Variants in NOL10 observed in about 807,000 individuals in gnomAD.
NOL10 encodes the protein nucleolar protein 10, also known as H_NH0074G24.1.
NOL10 carries 58 observed loss-of-function variants against 103.5 expected under a neutral mutation model. The ratio of observed to expected loss-of-function variants is 0.56; its 90% confidence interval spans 0.45 to 0.70. NOL10 has a LOEUF of 0.70. Among genes scored for constraint, NOL10 ranks in the 30% least tolerant of loss-of-function variants. NOL10 has a pLI of 0.00. For synonymous variants in NOL10, 287 were observed against 282.5 expected (o/e 1.02, Z -0.16); for missense variants, 763 against 807.3 (o/e 0.95, Z 0.67).
intron 17 of NOL10, among the ~76,000 whole-genome samples, chr2:10,594,919 C>A (rs962780887): frequency 6.6e-6 from 1 of 152,068 alleles, no homozygotes; most frequent in Non-Finnish European, 1.5e-5. Flanking sequence ...ATCACTTAAG[C>A]CCGAGAGACT....
intron 14 of NOL10, among the ~76,000 whole-genome samples, chr2:10,606,308 G>C (rs186281302): frequency 1.3e-5 from 2 of 151,758 alleles, no homozygotes; most frequent in African/African-American, 4.8e-5. Flanking sequence ...GATTAAATGA[G>C]TTACATGTAG....
At chr2:10,619,436 G>C (rs1427545915) in intron 13 of NOL10, among the ~76,000 whole-genome samples, 1 of 152,106 alleles carries the variant, frequency 6.6e-6, no homozygotes, top group African/African-American at 2.4e-5. Flanking sequence ...GTACAGTTGT[G>C]GCCACCGTAC....
intron 13 of NOL10, among the ~76,000 whole-genome samples, chr2:10,624,526 T>C (rs2148227865): frequency 6.6e-6 from 1 of 152,026 alleles, no homozygotes; most frequent in East Asian, 1.9e-4. Context: ...AAAAAAATAA[T>C]AACCTAAGCA....
chr2:10,587,511 TG>T (rs1255517478), intron 19 of NOL10, among the ~76,000 whole-genome samples: 2 of 127,120 alleles, frequency 1.6e-5, no homozygotes, highest in South Asian at 2.5e-4. Context: ...CCTCATGATC[TG>T]CCCCCCCCTT....
At chr2:10,687,843 C>T (rs1024661791) in intron 1 of NOL10, among the ~76,000 whole-genome samples, 1 of 152,182 alleles carries the variant, frequency 6.6e-6, no homozygotes, top group Admixed American at 6.5e-5. Flanking sequence ...GTCCCAGCTA[C>T]TGGGGAGGCT....
chr2:10,642,093 G>A (rs1261030372), intron 13 of NOL10, among the ~76,000 whole-genome samples: 2 of 152,188 alleles, frequency 1.3e-5, no homozygotes, highest in Non-Finnish European at 2.9e-5. Flanking sequence ...AAGGTTAGGG[G>A]CAAGCTGATT....
At chr2:10,594,791 G>A (rs1389445989) in intron 17 of NOL10, among the ~76,000 whole-genome samples, 1 of 152,050 alleles carries the variant, frequency 6.6e-6, no homozygotes, top group African/African-American at 2.4e-5. Context: ...AGGAGTTGGA[G>A]ACCAGCCCGG....
intron 17 of NOL10, among the ~76,000 whole-genome samples, chr2:10,593,243 A>G (rs1418718156): frequency 6.6e-6 from 1 of 151,156 alleles, no homozygotes; most frequent in Non-Finnish European, 1.5e-5. Context: ...GGTTCAAGCG[A>G]TTCTCCTGCC....
chr2:10,643,486 A>G (rs1678856189), intron 13 of NOL10, among the ~76,000 whole-genome samples: 1 of 151,826 alleles, frequency 6.6e-6, no homozygotes, highest in Admixed American at 6.6e-5. Context: ...ATGAAATCGT[A>G]TTTCCTTGCT....
chr2:10,674,709 C>T (rs906941355), intron 4 of NOL10, among the ~76,000 whole-genome samples: 2 of 152,020 alleles, frequency 1.3e-5, no homozygotes, highest in Admixed American at 6.6e-5. Context: ...TGGTAAAGTG[C>T]GCCTGTAATC....
At chr2:10,669,461 AT>A (rs1231625046) in intron 6 of NOL10, among the ~76,000 whole-genome samples, 39 of 121,812 alleles carry the variant, frequency 3.2e-4, no homozygotes, top group African/African-American at 3.9e-4. Context: ...ATATATTTTT[AT>A]TTTTTATATA....
intron 8 of NOL10, among the ~76,000 whole-genome samples, chr2:10,663,732 G>A (rs982001289): frequency 2.6e-5 from 4 of 151,886 alleles, no homozygotes; most frequent in African/African-American, 9.7e-5. Context: ...GGGAGATCAC[G>A]AGGTCAGGAG....
chr2:10,581,576 C>A (rs575728679), intron 19 of NOL10, among the ~76,000 whole-genome samples: 2 of 152,292 alleles, frequency 1.3e-5, no homozygotes, highest in East Asian at 3.9e-4. Flanking sequence ...CCTGCAATTC[C>A]AGCATTTTGG....
In NOL10 at chr2:10,587,240, C is replaced by CATATAT. The variant is rs1349120973; in HGVS notation, c.1844+1802_1844+1803insATATAT. 3.5e-3 allele frequency among the ~76,000 whole-genome samples: 108 copies of CATATAT among 31,086 alleles called. 15 individuals carry two copies. The highest frequency in any genetic ancestry group is 4.4e-3 in the Non-Finnish European group (82 of 18,782). The allele number at this position is 31,086 out of a possible 152,430, so 20.4% of individuals were successfully genotyped here. Reference sequence around the variant, plus strand: ...ATACATATATATACATATATATATACATACATATATATATATACACATATA... The same window carrying CATATAT: ...ATACATATATATACATATATATATACATATATATACATATATATATATACACATATA... On this transcript the variant is annotated intron_variant, in intron 19 of 20. Transcript: ENST00000381685.
At chr2:10,587,624 T>C (rs1675184772) in intron 19 of NOL10, among the ~76,000 whole-genome samples, 1 of 151,962 alleles carries the variant, frequency 6.6e-6, no homozygotes, top group Non-Finnish European at 1.5e-5. Flanking sequence ...CCTCGAGTTG[T>C]TCAAGGGTCA....
intron 14 of NOL10, among the ~76,000 whole-genome samples, chr2:10,606,633 A>G (rs1210425425): frequency 1.3e-5 from 2 of 150,358 alleles, no homozygotes; most frequent in Admixed American, 1.3e-4. Context: ...AAAAAATACT[A>G]TCTGCACATA....
chr2:10,638,896 A>AG (rs1329309543), intron 13 of NOL10, among the ~76,000 whole-genome samples: 1 of 139,726 alleles, frequency 7.2e-6, no homozygotes, highest in African/African-American at 2.7e-5. Context: ...TCTGCCTTCC[A>AG]GGTTCAAGCG....
intron 13 of NOL10, among the ~76,000 whole-genome samples, chr2:10,618,710 A>G (rs1009595722): frequency 1.3e-5 from 2 of 152,148 alleles, no homozygotes; most frequent in African/African-American, 4.8e-5. Flanking sequence ...AAAATCTAAG[A>G]AACATTTATT....
At chr2:10,653,611 G>A (rs1481193932) in intron 12 of NOL10, among the ~76,000 whole-genome samples, 1 of 151,992 alleles carries the variant, frequency 6.6e-6, no homozygotes, top group Non-Finnish European at 1.5e-5. Flanking sequence ...TCCCACTTCA[G>A]CCTTCCCAGA....
Sources: allele counts gnomAD v4.1 joint callset (sites outside exome capture counted in the v4.1 genomes callset), GRCh38; gene constraint gnomAD v4.1.1; transcripts MANE v1.5; gene names NCBI Gene and HGNC (gene_info 2026-07-23, HGNC 2026-07-21).